The following CCDC158 variants were observed in gnomAD, a reference collection of about 807,000 sequenced individuals.
CCDC158 encodes the protein coiled-coil domain-containing protein 158.
CCDC158 carries 116 observed loss-of-function variants against 138.6 expected under a neutral mutation model. The ratio of observed to expected loss-of-function variants is 0.84; its 90% confidence interval spans 0.72 to 0.98. CCDC158 has a LOEUF of 0.98. CCDC158 is among the 50% of genes least tolerant of loss of function. The probability of loss-of-function intolerance (pLI) is 0.00; values close to 1 mark genes in which losing one functional copy is unlikely to be tolerated. For synonymous variants in CCDC158, 436 were observed against 442.4 expected (o/e 0.99, Z 0.18); for missense variants, 1,265 against 1,306.1 (o/e 0.97, Z 0.48).
At chr4:76,391,834 A>G (rs28810241) in intron 4 of CCDC158, among the ~76,000 whole-genome samples, 4,467 of 152,102 alleles carry the variant, frequency 0.029, 217 homozygotes, top group African/African-American at 0.1. Context: ...AAAAGGATAC[A>G]TTACAACTGA....
intron 6 of CCDC158, 68 bp from the exon 7 acceptor site, chr4:76,383,806 T>C: frequency 2.7e-6 from 3 of 1,096,516 alleles, no homozygotes; most frequent in Non-Finnish European, 4.2e-6. Flanking sequence ...CTGGAGATTT[T>C]CAACTAAAGG....
intron 8 of CCDC158, among the ~76,000 whole-genome samples, chr4:76,381,080 T>G (rs945864496): frequency 6.6e-6 from 1 of 152,226 alleles, no homozygotes; most frequent in East Asian, 1.9e-4. Flanking sequence ...AGACATCTGC[T>G]GTAGGAGTAG....
chr4:76,350,911 A>G, intron 18 of CCDC158, 85 bp downstream of exon 18: 1 of 1,330,522 alleles, frequency 7.5e-7, no homozygotes, highest in Non-Finnish European at 1.0e-6. Flanking sequence ...ATATAGAGAT[A>G]TTATTTTTTA....
chr4:76,363,387 T>C (rs975919367), intron 12 of CCDC158, among the ~76,000 whole-genome samples: 10 of 152,190 alleles, frequency 6.6e-5, no homozygotes, highest in African/African-American at 2.4e-4. Context: ...GTGTGCCTTT[T>C]CCTTTTGCTG....
At chr4:76,373,449 CAAT>C (rs1725431704) in intron 9 of CCDC158, among the ~76,000 whole-genome samples, 1 of 152,094 alleles carries the variant, frequency 6.6e-6, no homozygotes, top group Non-Finnish European at 1.5e-5. Context: ...AATCTACTGT[CAAT>C]AATAAAACCT....
intron 14 of CCDC158, among the ~76,000 whole-genome samples, 190 bp from the exon 15 acceptor site, chr4:76,355,626 T>C (rs973676549): frequency 6.6e-6 from 1 of 152,194 alleles, no homozygotes; most frequent in Non-Finnish European, 1.5e-5. Context: ...TTTTAACTAC[T>C]ACTAGAGATT....
intron 2 of CCDC158, among the ~76,000 whole-genome samples, chr4:76,411,086 T>C (rs79000889): frequency 0.026 from 4,030 of 152,238 alleles, 173 homozygotes; most frequent in African/African-American, 0.092. Flanking sequence ...TACCAGATAA[T>C]TGGACAGCAA....
At chr4:76,400,663 T>A (rs1728289292) in intron 3 of CCDC158, among the ~76,000 whole-genome samples, 1 of 147,918 alleles carries the variant, frequency 6.8e-6, no homozygotes, top group Admixed American at 6.7e-5. Context: ...TGGAAAGATA[T>A]CTGGCTAAGA....
At chr4:76,325,401 AT>A (rs892995295) in intron 23 of CCDC158, among the ~76,000 whole-genome samples, 1 of 152,182 alleles carries the variant, frequency 6.6e-6, no homozygotes, top group South Asian at 2.1e-4. Context: ...TAAATCAAAC[AT>A]TTTTTTCTCA....
At chr4:76,367,162 T>A in intron 12 of CCDC158, 132 bp downstream of exon 12, 1 of 967,566 alleles carries the variant, frequency 1.0e-6, no homozygotes. Context: ...AAAACACACA[T>A]ATACACATAG....
chr4:76,382,510 A>G, intron 8 of CCDC158, 100 bp downstream of exon 8: 1 of 714,446 alleles, frequency 1.4e-6, no homozygotes, highest in Non-Finnish European at 2.3e-6. Context: ...TTTCTTATGA[A>G]ATCTTACTAA....
intron 9 of CCDC158, 150 bp from the exon 10 acceptor site, chr4:76,371,686 C>T (rs1725255781): frequency 1.1e-6 from 1 of 901,214 alleles, no homozygotes; most frequent in South Asian, 2.0e-5. Flanking sequence ...GCCTGTAATC[C>T]CAGCACTTTG....
chr4:76,367,780 A>G lies in CCDC158; in HGVS notation c.1348-4T>C, dbSNP rs1490794878. The G allele has an allele frequency of 6.3e-7, 1 of 1,590,724 alleles. No homozygotes were observed. Among genetic ancestry groups the G allele is most frequent in the Non-Finnish European group, 8.6e-7 (1 of 1,169,238 alleles). On this transcript the variant is annotated splice_region_variant and splice_polypyrimidine_tract_variant and intron_variant, in intron 11 of 24. Transcript: ENST00000682701. ...TCTTTCCTTGAATTGCTGCCATCTG[A>G]TTGTTAAAGAAAAGAGAATTTCATA...
intron 18 of CCDC158, among the ~76,000 whole-genome samples, chr4:76,350,244 C>T (rs1476312606): frequency 6.6e-6 from 1 of 152,116 alleles, no homozygotes; most frequent in Non-Finnish European, 1.5e-5. Context: ...GTTTATGTTT[C>T]AGCGCACACA....
At chr4:76,349,080 A>G (rs974867465) in intron 18 of CCDC158, among the ~76,000 whole-genome samples, 1 of 152,222 alleles carries the variant, frequency 6.6e-6, no homozygotes, top group Non-Finnish European at 1.5e-5. Context: ...AACTACCTCC[A>G]AAACAGCAAC....
rs1036480810 is a variant in CCDC158 at position 76,321,620 on chromosome 4, AC to A, written c.3277+1681del. Among the ~76,000 whole-genome samples, 6 of 147,144 alleles carry A rather than the reference AC, an allele frequency of 4.1e-5. No individual in the cohort carries two copies. The Admixed American group carries it at 4.1e-4, about 10-fold the overall frequency. ...AATATAATATATTATATATATATGC[AC>A]ACACCTCAGCCACCTCCCATTCTTC... On this transcript the variant is annotated intron_variant, in intron 24 of 24. Coordinates refer to ENST00000682701, the MANE Select transcript of CCDC158 (RefSeq NM_001394954.1).
chr4:76,363,874 C>T (rs559626782), intron 12 of CCDC158, among the ~76,000 whole-genome samples: 78 of 151,820 alleles, frequency 5.1e-4, no homozygotes, highest in African/African-American at 1.4e-3. Context: ...CAGTGGTTGG[C>T]GTGGGGGTAG....
rs763076598 is a variant in CCDC158, at chr4:76,313,270, AG to A, written c.3278-25del. 2.1e-5 allele frequency: 31 copies of A among 1,460,074 alleles called. No homozygotes were observed. The African/African-American group carries it at 3.8e-4, about 18-fold the overall frequency. The allele number at this position is 1,460,074 out of a possible 1,614,324, so 90.4% of individuals were successfully genotyped here. A position where few individuals can be genotyped will look rare whatever the true frequency, so the allele number is the denominator to read the frequency against. On this transcript the variant is annotated intron_variant, in intron 24 of 24. Transcript: ENST00000682701. ...TGCTGAAAATGTTGATAAAACAGTT[AG>A]AATAACAAAATCTACTTAGGCTTTA...
At chr4:76,369,083 C>T (rs28709921) in intron 11 of CCDC158, among the ~76,000 whole-genome samples, 4,456 of 152,130 alleles carry the variant, frequency 0.029, 220 homozygotes, top group African/African-American at 0.1. Flanking sequence ...GGCATGGTGG[C>T]ACACGCCTGT....
Sources: allele counts gnomAD v4.1 joint callset (sites outside exome capture counted in the v4.1 genomes callset), GRCh38; gene constraint gnomAD v4.1.1; transcripts MANE v1.5; gene names NCBI Gene and HGNC (gene_info 2026-07-23, HGNC 2026-07-21).